Variants in ZFYVE28 observed in about 807,000 individuals in gnomAD.
The protein encoded by ZFYVE28 is lateral signaling target protein 2 homolog.
A neutral mutation model predicts 82.1 loss-of-function variants in ZFYVE28; 40 were observed. That is an observed-to-expected ratio of 0.49 (90% confidence interval 0.38 to 0.63). The LOEUF is 0.63. Among genes scored for constraint, ZFYVE28 ranks in the 30% least tolerant of loss-of-function variants. The pLI is 0.00. For synonymous variants in ZFYVE28, 612 were observed against 546.1 expected (o/e 1.12, Z -1.68); for missense variants, 1,321 against 1,242.1 (o/e 1.06, Z -0.96).
At chr4:2,410,786 C>T (rs1265053615) in intron 1 of ZFYVE28, among the ~76,000 whole-genome samples, 1 of 152,156 alleles carries the variant, frequency 6.6e-6, no homozygotes, top group South Asian at 2.1e-4. Context: ...TGAGCCACCA[C>T]GCCCTTTCTA....
At chr4:2,291,805 G>C (rs553535238) in intron 8 of ZFYVE28, among the ~76,000 whole-genome samples, 1 of 152,360 alleles carries the variant, frequency 6.6e-6, no homozygotes, top group East Asian at 1.9e-4. Context: ...AACCCTGCCT[G>C]GGTGGGCCCC....
intron 1 of ZFYVE28, among the ~76,000 whole-genome samples, chr4:2,399,134 T>G (rs72501974): frequency 0.021 from 238 of 11,138 alleles, no homozygotes; most frequent in East Asian, 0.032. Flanking sequence ...ACAAGCTGGG[T>G]GGTGAGATCC....
chr4:2,284,738 G>C (rs982241670), intron 8 of ZFYVE28, among the ~76,000 whole-genome samples: 21 of 152,180 alleles, frequency 1.4e-4, no homozygotes, highest in Non-Finnish European at 4.4e-5. Flanking sequence ...GACTTCCTCT[G>C]TGAGTCCTGG....
intron 1 of ZFYVE28, among the ~76,000 whole-genome samples, chr4:2,374,439 T>A (rs1251534071): frequency 2.6e-5 from 4 of 151,940 alleles, no homozygotes; most frequent in African/African-American, 9.7e-5. Context: ...CAGTGAGACC[T>A]CATCTCTATA....
At position 2,335,872 on chromosome 4, in the gene ZFYVE28, C is replaced by T. The variant is rs1721605883; in HGVS notation, c.612-78G>A. On this transcript the variant is annotated intron_variant, in intron 5 of 12. Transcript: ENST00000290974. The surrounding 1 kb of genome is among the most constrained non-coding windows in gnomAD (Gnocchi z 5.8). ...CAGGTTGGACCCCAGCAGGGACAGG[C>T]AGTGCGCTCAATCTGTACCTGCAGC... 6 of 1,266,928 alleles carry T rather than the reference C, an allele frequency of 4.7e-6. No homozygotes were observed. The Admixed American group carries it at 1.2e-4, about 25-fold the overall frequency. 78.5% of individuals were successfully genotyped at this position (1,266,928 alleles called of 1,614,324 possible). A position where few individuals can be genotyped will look rare whatever the true frequency, so the allele number is the denominator to read the frequency against.
intron 8 of ZFYVE28, among the ~76,000 whole-genome samples, chr4:2,283,348 C>T (rs1712221385): frequency 7.3e-6 from 1 of 137,430 alleles, no homozygotes; most frequent in Non-Finnish European, 1.6e-5. Flanking sequence ...TCCATTTATC[C>T]ATCCATCCAT....
chr4:2,322,340 T>C (rs922001382), intron 6 of ZFYVE28, among the ~76,000 whole-genome samples: 3 of 152,136 alleles, frequency 2.0e-5, no homozygotes, highest in Non-Finnish European at 4.4e-5. Context: ...AAACGGTGGG[T>C]CCAATGCAGC....
At chr4:2,373,269 G>A (rs915152683) in intron 1 of ZFYVE28, among the ~76,000 whole-genome samples, 1 of 152,180 alleles carries the variant, frequency 6.6e-6, no homozygotes, top group Non-Finnish European at 1.5e-5. Context: ...AGGCTGAGGT[G>A]GGAGAATTGC....
At chr4:2,360,334 G>T (rs1388915726) in intron 1 of ZFYVE28, among the ~76,000 whole-genome samples, 1 of 151,044 alleles carries the variant, frequency 6.6e-6, no homozygotes, top group African/African-American at 2.4e-5. Context: ...GTAAATTAAA[G>T]ACCTTAAAAC....
At chr4:2,297,489 G>A (rs915645869) in intron 8 of ZFYVE28, among the ~76,000 whole-genome samples, 5 of 152,234 alleles carry the variant, frequency 3.3e-5, no homozygotes, top group Middle Eastern at 3.2e-3. Flanking sequence ...CCCACTGTCC[G>A]GGAGCGAGGT....
At chr4:2,367,355 G>A (rs371845244) in intron 1 of ZFYVE28, among the ~76,000 whole-genome samples, 1 of 152,354 alleles carries the variant, frequency 6.6e-6, no homozygotes, top group East Asian at 1.9e-4. Context: ...TGCCCCCGGG[G>A]TGTCCCCCGC....
In ZFYVE28 at chr4:2,364,749, G is replaced by T. The variant is rs906048717; in HGVS notation, c.40-10676C>A. ...GGACGCAGGTGATGAGCATAACGTT[G>T]TGCATTCCCGCCGCCGCGCCCTCGT... On this transcript the variant is annotated intron_variant, in intron 1 of 12. Coordinates refer to ENST00000290974, the MANE Select transcript of ZFYVE28 (RefSeq NM_020972.3). 53 of 985,546 alleles carry T rather than the reference G, an allele frequency of 5.4e-5. No homozygotes were observed. The African/African-American group carries it at 8.4e-4, about 16-fold the overall frequency. 61.1% of individuals were successfully genotyped at this position (985,546 alleles called of 1,614,324 possible).
At chr4:2,386,255 C>T (rs377105847) in intron 1 of ZFYVE28, among the ~76,000 whole-genome samples, 22 of 152,232 alleles carry the variant, frequency 1.4e-4, no homozygotes, top group Non-Finnish European at 2.4e-4. Flanking sequence ...GAGGCCAAGG[C>T]GGGTGGATCA....
At chr4:2,410,816 G>C (rs1732448012) in intron 1 of ZFYVE28, among the ~76,000 whole-genome samples, 1 of 152,178 alleles carries the variant, frequency 6.6e-6, no homozygotes, top group Admixed American at 6.5e-5. Flanking sequence ...TCATGCCATG[G>C]TGTGGAGGGA....
intron 2 of ZFYVE28, among the ~76,000 whole-genome samples, chr4:2,350,952 A>C (rs1455781346): frequency 6.6e-6 from 1 of 152,176 alleles, no homozygotes; most frequent in Non-Finnish European, 1.5e-5. Flanking sequence ...CTGTTACTAC[A>C]TTCTTTATTC....
At chr4:2,274,989 A>G (rs927281388) in intron 8 of ZFYVE28, among the ~76,000 whole-genome samples, 8 of 148,358 alleles carry the variant, frequency 5.4e-5, no homozygotes, top group African/African-American at 2.1e-4. Context: ...TTGCGGGGAC[A>G]GCAGCCTCAA....
chr4:2,383,459 A>C (rs1728933380), intron 1 of ZFYVE28, among the ~76,000 whole-genome samples: 1 of 152,116 alleles, frequency 6.6e-6, no homozygotes, highest in Non-Finnish European at 1.5e-5. Context: ...TGGAACTACA[A>C]GTCTAATTAA....
At chr4:2,405,873 C>A (rs1050890115) in intron 1 of ZFYVE28, among the ~76,000 whole-genome samples, 2 of 151,460 alleles carry the variant, frequency 1.3e-5, no homozygotes, top group Non-Finnish European at 2.9e-5. Context: ...CATGGTGAAA[C>A]CCCCATCTCT....
At chr4:2,346,943 T>C (rs1578194334) in intron 2 of ZFYVE28, among the ~76,000 whole-genome samples, 1 of 152,082 alleles carries the variant, frequency 6.6e-6, no homozygotes, top group East Asian at 1.9e-4. Context: ...ATCAAAGACA[T>C]ATTAAACAAA....
Sources: gnomAD v4.1 joint callset for allele counts (sites outside exome capture counted in the v4.1 genomes callset) on GRCh38, gnomAD v4.1.1 for gene constraint, Gnocchi (gnomAD v3.1) non-coding constraint, MANE v1.5 for transcripts, NCBI Gene and HGNC (gene_info 2026-07-23, HGNC 2026-07-21) for gene names.